Variants in ZNF684 observed in about 807,000 individuals in gnomAD.
ZNF684 encodes hypothetical protein MGC27466.
ZNF684 carries 13 observed loss-of-function variants against 12.8 expected under a neutral mutation model. That is an observed-to-expected ratio of 1.02 (90% CI 0.66 to 1.62). The LOEUF (loss-of-function observed/expected upper bound fraction) is 1.62, where lower values mean the gene tolerates loss of function less well. ZNF684 is among the 40% of genes most tolerant of loss of function. The probability of loss-of-function intolerance (pLI) is 0.00; values close to 1 mark genes in which losing one functional copy is unlikely to be tolerated. For missense variants in ZNF684, 384 were observed against 446.9 expected (o/e 0.86, Z 1.27); for synonymous variants, 118 against 151.8 (o/e 0.78, Z 1.64).
At chr1:40,545,890 A>T (rs892061275) in intron 4 of ZNF684, among the ~76,000 whole-genome samples, 3 of 143,336 alleles carry the variant, frequency 2.1e-5, no homozygotes, top group Non-Finnish European at 4.6e-5. Context: ...ATTTTCCCTT[A>T]ATCCCTTTGC....
intron 2 of ZNF684, among the ~76,000 whole-genome samples, chr1:40,538,833 C>CAAAA (rs1645999143): frequency 6.7e-6 from 1 of 149,710 alleles, no homozygotes; most frequent in Non-Finnish European, 1.5e-5. Flanking sequence ...AAAAAACAAA[C>CAAAA]AAACAAACAA....
chr1:40,542,072 A>G (rs1040201887), intron 4 of ZNF684, among the ~76,000 whole-genome samples: 1 of 152,148 alleles, frequency 6.6e-6, no homozygotes, highest in Non-Finnish European at 1.5e-5. Context: ...ATGAAGTTAA[A>G]TTATCTGAAT....
In ZNF684 at chr1:40,547,592, T is replaced by G. The variant is rs1646056674; in HGVS notation, c.*132T>G. 1 of 755,156 alleles carries G rather than the reference T, an allele frequency of 1.3e-6. No homozygotes were observed. The highest frequency in any genetic ancestry group is 2.0e-6 in the Non-Finnish European group (1 of 501,064). The allele number at this position is 755,156 out of a possible 1,614,324, so 46.8% of individuals were successfully genotyped here. Reference sequence around the variant, plus strand: ...GTAGATTCCCATAAAAAACAACCAATGCCAATCATGTTCTGGAAGTGATAA... The same window carrying G: ...GTAGATTCCCATAAAAAACAACCAAGGCCAATCATGTTCTGGAAGTGATAA... On this transcript the variant is annotated 3_prime_UTR_variant, in exon 5 of 5. Transcript: ENST00000372699.
intron 2 of ZNF684, among the ~76,000 whole-genome samples, chr1:40,540,363 C>CT (rs77957637): frequency 1.3e-5 from 2 of 151,930 alleles, no homozygotes; most frequent in Admixed American, 6.6e-5. Flanking sequence ...GTTGAAAAGA[C>CT]TTTTTTTTCC....
At position 40,541,735 on chromosome 1, in the gene ZNF684, G is replaced by T. The variant is rs1368937118; in HGVS notation, c.238+25G>T. The T allele has an allele frequency of 2.5e-6, 4 of 1,588,286 alleles. No individual in the cohort carries two copies. In the Admixed American group the frequency reaches 5.1e-5, roughly 20 times the overall value. On this transcript the variant is annotated intron_variant, in intron 4 of 4. Coordinates refer to ENST00000372699, the MANE Select transcript of ZNF684 (RefSeq NM_152373.4). ...GGTGAGTGAGAGAAATTCAGATGGG[G>T]CTGTGTGGAGTTGAGATCCCCATTG...
intron 4 of ZNF684, among the ~76,000 whole-genome samples, chr1:40,542,901 T>A (rs1025753321): frequency 4.6e-5 from 7 of 152,248 alleles, no homozygotes; most frequent in African/African-American, 1.7e-4. Context: ...TCTGCAGAGT[T>A]CACAAAAGAA....
rs764970971 is a variant in ZNF684, at chr1:40,546,786, G to A, written c.463G>A (p.Val155Ile). ...ACTTAAATATAATAGAAGTTATACT[G>A]TAGAAAACGCTTATGAATGCAGTGA... ...DLLKYNRSYT[V>I]ENAYECSECG... The change falls in exon 5 of 5, where the codon GTA (valine) becomes ATA (isoleucine). Residue 155 changes from valine to isoleucine, a missense_variant. By Grantham distance (29) the Val-to-Ile change is conservative (BLOSUM62 3). Coordinates refer to ENST00000372699, the MANE Select transcript of ZNF684 (RefSeq NM_152373.4). 2.5e-6 allele frequency: 4 copies of A among 1,611,654 alleles called. No individual in the cohort carries two copies.
In ZNF684 at chr1:40,536,092, T is replaced by C. The variant is rs1054945365; in HGVS notation, c.15+2911T>C. ...TCCATTAAACATGATTTTGGAATTA[T>C]GGTTAAAAGGACATATTTTAGCCGG... On this transcript the variant is annotated intron_variant, in intron 2 of 4. Transcript: ENST00000372699. 2.6e-5 allele frequency among the ~76,000 whole-genome samples: 4 copies of C among 152,270 alleles called. No individual in the cohort carries two copies. The East Asian group carries it at 5.8e-4, about 22-fold the overall frequency.
intron 2 of ZNF684, among the ~76,000 whole-genome samples, chr1:40,539,732 T>C (rs1011335884): frequency 6.6e-6 from 1 of 151,602 alleles, no homozygotes; most frequent in Non-Finnish European, 1.5e-5. Flanking sequence ...AGAATCTTTT[T>C]TCTTTTTATT....
intron 2 of ZNF684, among the ~76,000 whole-genome samples, chr1:40,538,158 A>AT (rs201507805): frequency 0.01 from 1,559 of 151,376 alleles, 20 homozygotes; most frequent in African/African-American, 0.036. Context: ...TACCCAGCTA[A>AT]TTTTTTTTTA....
chr1:40,534,992 GA>G (rs1197728056), intron 2 of ZNF684, among the ~76,000 whole-genome samples: 1 of 152,150 alleles, frequency 6.6e-6, no homozygotes, highest in African/African-American at 2.4e-5. Context: ...CTGAAGAAAA[GA>G]AAAGATGGAT....
intron 2 of ZNF684, among the ~76,000 whole-genome samples, chr1:40,537,096 T>G (rs901359555): frequency 6.6e-6 from 1 of 152,204 alleles, no homozygotes. Flanking sequence ...CACACTGACT[T>G]CCACAATGTT....
chr1:40,536,440 A>G (rs1645985881), intron 2 of ZNF684, among the ~76,000 whole-genome samples: 1 of 151,632 alleles, frequency 6.6e-6, no homozygotes, highest in South Asian at 2.1e-4. Flanking sequence ...TTATCATGTA[A>G]AAGTATCCAT....
At chr1:40,545,020 A>C (rs932552167) in intron 4 of ZNF684, 7 of 152,230 alleles carry the variant, frequency 4.6e-5, no homozygotes, top group African/African-American at 1.7e-4. Context: ...CCCATGAGTG[A>C]ATTCATATCT....
intron 2 of ZNF684, among the ~76,000 whole-genome samples, chr1:40,534,289 G>A (rs1645973242): frequency 7.4e-6 from 1 of 135,942 alleles, no homozygotes; most frequent in East Asian, 2.1e-4. Context: ...TACCCAGGCT[G>A]GAGTGCAGTG....
intron 2 of ZNF684, among the ~76,000 whole-genome samples, chr1:40,539,880 A>G (rs1341229597): frequency 6.6e-6 from 1 of 151,964 alleles, no homozygotes; most frequent in East Asian, 1.9e-4. Context: ...ATATATAGAT[A>G]TATCTTTGGA....
rs77957637 is a variant in ZNF684 at position 40,540,363 on chromosome 1, CT to C, written c.16-215del. ...GTCTCAGTACCATTTGTTGAAAAGA[CT>C]TTTTTTTCCCCTGTTGAACTGTTCT... is the stretch of plus-strand genomic sequence containing the variant. On this transcript the variant is annotated intron_variant, in intron 2 of 4. Transcript: ENST00000372699. Among the ~76,000 whole-genome samples the C allele has an allele frequency of 2.1e-3, 326 of 152,050 alleles. 3 individuals carry two copies. In the East Asian group the frequency reaches 0.054, roughly 25 times the overall value.
chr1:40,536,946 C>T (rs1371466896), intron 2 of ZNF684, among the ~76,000 whole-genome samples: 1 of 151,560 alleles, frequency 6.6e-6, no homozygotes, highest in Admixed American at 6.6e-5. Context: ...CAAGTCTTTG[C>T]TATTGTGAAT....
At chr1:40,544,445 G>A (rs185700264) in intron 4 of ZNF684, 20 of 403,440 alleles carry the variant, frequency 5.0e-5, no homozygotes, top group African/African-American at 8.5e-5. Context: ...ATCTCAGCTC[G>A]GGTTCAAGTG....
Sources: allele counts gnomAD v4.1 joint callset (sites outside exome capture counted in the v4.1 genomes callset), GRCh38; gene constraint gnomAD v4.1.1; transcripts MANE v1.5; gene names NCBI Gene and HGNC (gene_info 2026-07-23, HGNC 2026-07-21).